Variants in ZRANB3 observed in about 807,000 individuals in gnomAD.
ZRANB3 encodes the protein DNA annealing helicase and endonuclease ZRANB3.
ZRANB3 carries 125 observed loss-of-function variants against 133.8 expected under a neutral mutation model. That is an observed-to-expected ratio of 0.93 (90% CI 0.81 to 1.08). The LOEUF (loss-of-function observed/expected upper bound fraction) is 1.08. Ranked by LOEUF, ZRANB3 falls within the 50% of genes least tolerant of loss-of-function variation. The probability of loss-of-function intolerance (pLI) is 0.00; values close to 1 mark genes in which losing one functional copy is unlikely to be tolerated. For missense variants in ZRANB3, 1,229 were observed against 1,275.5 expected, an observed-to-expected ratio of 0.96 and a Z score of 0.56; for synonymous variants, 387 against 432.7, an observed-to-expected ratio of 0.89 and a Z score of 1.31.
At chr2:135,382,114 C>A (rs1393609412) in intron 3 of ZRANB3, among the ~76,000 whole-genome samples, 4 of 151,964 alleles carry the variant, frequency 2.6e-5, no homozygotes, top group Non-Finnish European at 4.4e-5. Context: ...AGACGAAGGG[C>A]TAACTAGAAT....
chr2:135,213,435 T>C (rs569548922), intron 17 of ZRANB3, among the ~76,000 whole-genome samples: 1 of 152,310 alleles, frequency 6.6e-6, no homozygotes, highest in South Asian at 2.1e-4. Context: ...TTATTCCAAA[T>C]TACTGAGACT....
At chr2:135,424,285 A>G (rs1688980525) in intron 2 of ZRANB3, among the ~76,000 whole-genome samples, 1 of 152,208 alleles carries the variant, frequency 6.6e-6, no homozygotes. Flanking sequence ...AAATTTTCAC[A>G]AAACAGAGCA....
chr2:135,345,473 A>G, intron 6 of ZRANB3, 77 bp downstream of exon 6: 2 of 1,109,992 alleles, frequency 1.8e-6, no homozygotes, highest in South Asian at 2.9e-5. Context: ...TGTCTCAAAA[A>G]AAAAAAGAAT....
chr2:135,279,055 T>A (rs904114144), intron 8 of ZRANB3, among the ~76,000 whole-genome samples: 2 of 151,898 alleles, frequency 1.3e-5, no homozygotes, highest in Admixed American at 1.3e-4. Context: ...AATATAAGTA[T>A]GGTGTTGAGG....
intron 2 of ZRANB3, among the ~76,000 whole-genome samples, chr2:135,455,770 A>G (rs1690490692): frequency 1.3e-5 from 2 of 150,504 alleles, no homozygotes; most frequent in Non-Finnish European, 3.0e-5. Context: ...TTCTTTTTGA[A>G]TTTTTAGTAG....
At chr2:135,510,297 T>C (rs1296695767) in intron 1 of ZRANB3, among the ~76,000 whole-genome samples, 2 of 152,208 alleles carry the variant, frequency 1.3e-5, no homozygotes, top group African/African-American at 2.4e-5. Context: ...TCTTTCTTCT[T>C]CTTCTTGAAA....
chr2:135,530,314 T>A (rs1694455436), intron 1 of ZRANB3, among the ~76,000 whole-genome samples: 1 of 152,118 alleles, frequency 6.6e-6, no homozygotes, highest in Non-Finnish European at 1.5e-5. Flanking sequence ...TAGAGGTACT[T>A]TCTACAAATT....
chr2:135,303,273 C>T (rs1015723827), intron 8 of ZRANB3, among the ~76,000 whole-genome samples: 3 of 151,976 alleles, frequency 2.0e-5, no homozygotes, highest in Non-Finnish European at 4.4e-5. Context: ...TTTTTGTATC[C>T]TGTCTAAAAC....
At chr2:135,475,971 G>A (rs1185185470) in intron 2 of ZRANB3, among the ~76,000 whole-genome samples, 9 of 152,162 alleles carry the variant, frequency 5.9e-5, no homozygotes, top group Non-Finnish European at 1.0e-4. Context: ...CCACTTACTC[G>A]GGAGGCTGAG....
intron 2 of ZRANB3, among the ~76,000 whole-genome samples, chr2:135,417,884 C>T (rs1688661692): frequency 6.6e-6 from 1 of 152,146 alleles, no homozygotes; most frequent in South Asian, 2.1e-4. Context: ...ACTGCATGTT[C>T]TCACTCATAG....
chr2:135,203,078 T>A, intron 19 of ZRANB3, 115 bp from the exon 20 acceptor site: 2 of 1,252,392 alleles, frequency 1.6e-6, no homozygotes, highest in African/African-American at 1.5e-5. Context: ...GAAAAATACA[T>A]CAGGAGAGCT....
At chr2:135,313,707 G>A in intron 7 of ZRANB3, 102 bp from the exon 8 acceptor site, 2 of 663,378 alleles carry the variant, frequency 3.0e-6, no homozygotes, top group Non-Finnish European at 4.8e-6. Context: ...TTTCTCTATA[G>A]AAAGATATAA....
At chr2:135,268,874 T>C in intron 11 of ZRANB3, 88 bp downstream of exon 11, 1 of 1,322,636 alleles carries the variant, frequency 7.6e-7, no homozygotes, top group Non-Finnish European at 1.0e-6. Flanking sequence ...ATCCTTTGCC[T>C]GAAAACACTA....
intron 2 of ZRANB3, among the ~76,000 whole-genome samples, chr2:135,436,752 T>TA (rs927425649): frequency 6.6e-6 from 1 of 151,900 alleles, no homozygotes; most frequent in Non-Finnish European, 1.5e-5. Context: ...TCATAGAATT[T>TA]AAAAAAACTA....
chr2:135,526,195 A>C (rs1694152993), intron 1 of ZRANB3, among the ~76,000 whole-genome samples: 1 of 123,448 alleles, frequency 8.1e-6, no homozygotes, highest in Non-Finnish European at 1.6e-5. Flanking sequence ...ACGGAGTCTC[A>C]CTCTGTCGCC....
intron 1 of ZRANB3, among the ~76,000 whole-genome samples, chr2:135,523,578 A>G (rs1694032153): frequency 6.6e-6 from 1 of 152,252 alleles, no homozygotes; most frequent in Non-Finnish European, 1.5e-5. Context: ...ATTATGTGTC[A>G]GGTACTGTTT....
chr2:135,520,720 G>A (rs1693899569), intron 1 of ZRANB3, among the ~76,000 whole-genome samples: 1 of 152,050 alleles, frequency 6.6e-6, no homozygotes, highest in South Asian at 2.1e-4. Context: ...GAGGAGCTGG[G>A]CTTACAGGTG....
intron 1 of ZRANB3, among the ~76,000 whole-genome samples, chr2:135,509,934 GT>G (rs1693369342): frequency 6.6e-6 from 1 of 151,750 alleles, no homozygotes; most frequent in Non-Finnish European, 1.5e-5. Context: ...GTAAAAACAG[GT>G]TTTAGAAGTG....
intron 2 of ZRANB3, among the ~76,000 whole-genome samples, chr2:135,487,172 T>C (rs982900635): frequency 6.6e-6 from 1 of 152,204 alleles, no homozygotes; most frequent in Non-Finnish European, 1.5e-5. Context: ...CCATTGTCAA[T>C]GAGCAATAAT....
Sources: allele counts gnomAD v4.1 joint callset (sites outside exome capture counted in the v4.1 genomes callset), GRCh38; gene constraint gnomAD v4.1.1; transcripts MANE v1.5; gene names NCBI Gene and HGNC (gene_info 2026-07-23, HGNC 2026-07-21).